Variants in CPNE4 observed in about 807,000 individuals in gnomAD.
The protein encoded by CPNE4 is copine-4.
Under a neutral mutation model 67.9 loss-of-function variants are expected in CPNE4, and 25 were observed. That is an observed-to-expected ratio of 0.37 (90% confidence interval 0.27 to 0.51). The LOEUF is 0.51. CPNE4 is among the 20% of genes least tolerant of loss of function. The pLI, the probability that CPNE4 is intolerant of heterozygous loss-of-function variation, is 0.93. For missense variants in CPNE4, 464 were observed against 690.8 expected (o/e 0.67, Z 3.68); for synonymous variants, 242 against 244.9 (o/e 0.99, Z 0.11).
intron 3 of CPNE4, among the ~76,000 whole-genome samples, chr3:131,718,267 G>T (rs2081788071): frequency 6.6e-6 from 1 of 152,074 alleles, no homozygotes; most frequent in African/African-American, 2.4e-5. Context: ...TTACAGGCGT[G>T]AGCCACTGCA....
intron 1 of CPNE4, among the ~76,000 whole-genome samples, chr3:131,954,270 T>C (rs2071867686): frequency 6.6e-6 from 1 of 152,162 alleles, no homozygotes; most frequent in South Asian, 2.1e-4. Flanking sequence ...GAATAATACA[T>C]GAAATCTTTT....
chr3:131,703,279 C>A (rs1208378835), intron 3 of CPNE4, among the ~76,000 whole-genome samples: 1 of 152,234 alleles, frequency 6.6e-6, no homozygotes, highest in African/African-American at 2.4e-5. Context: ...TTGTGCCTGA[C>A]ATCAAGGTTA....
intron 2 of CPNE4, among the ~76,000 whole-genome samples, chr3:131,756,337 CAT>C (rs909150182): frequency 8.5e-5 from 13 of 152,092 alleles, no homozygotes; most frequent in African/African-American, 2.9e-4. Flanking sequence ...CCAATTTTAC[CAT>C]ATGAATTCTA....
chr3:131,792,630 TAC>T (rs766980777), intron 2 of CPNE4, among the ~76,000 whole-genome samples: 2 of 93,364 alleles, frequency 2.1e-5, no homozygotes, highest in East Asian at 3.8e-4. Context: ...TATATATATA[TAC>T]ACACGTGTAT....
chr3:131,870,687 G>A (rs1162389080), intron 2 of CPNE4, among the ~76,000 whole-genome samples: 2 of 151,834 alleles, frequency 1.3e-5, no homozygotes, highest in Non-Finnish European at 2.9e-5. Flanking sequence ...GTTTTGTTGG[G>A]ACATATTGTT....
intron 2 of CPNE4, among the ~76,000 whole-genome samples, chr3:131,792,148 G>T (rs976251228): frequency 6.6e-6 from 1 of 152,008 alleles, no homozygotes; most frequent in Non-Finnish European, 1.5e-5. Flanking sequence ...AATGATATAG[G>T]GGTGTTGCCA....
intron 2 of CPNE4, among the ~76,000 whole-genome samples, chr3:131,869,730 G>A (rs115013912): frequency 0.037 from 5,576 of 152,072 alleles, 340 homozygotes; most frequent in African/African-American, 0.13. Context: ...TTGTATGTTC[G>A]GAGAAAAAGA....
chr3:131,631,226 C>G (rs544512371), intron 7 of CPNE4, among the ~76,000 whole-genome samples: 1 of 152,224 alleles, frequency 6.6e-6, no homozygotes, highest in Admixed American at 6.5e-5. Context: ...TTCTGAATCC[C>G]AAGAGAAGAC....
At chr3:131,554,531 A>C (rs1006622961) in intron 12 of CPNE4, among the ~76,000 whole-genome samples, 1 of 152,090 alleles carries the variant, frequency 6.6e-6, no homozygotes, top group Non-Finnish European at 1.5e-5. Flanking sequence ...TGTGGAATAC[A>C]AGGCAAGAAA....
At chr3:131,888,695 G>A (rs2199351) in intron 2 of CPNE4, among the ~76,000 whole-genome samples, 53,694 of 151,884 alleles carry the variant, frequency 0.35, 10,653 homozygotes, top group African/African-American at 0.53. Flanking sequence ...TTTCGAGTCC[G>A]TAGATTAGAG....
chr3:131,564,366 CAAGAA>C lies in CPNE4; in HGVS notation c.928-22_928-18del, dbSNP rs773321566. The C allele has an allele frequency of 1.9e-6, 3 of 1,604,844 alleles. No homozygotes were observed. In the African/African-American group the frequency reaches 4.0e-5, roughly 22 times the overall value. On this transcript the variant is annotated intron_variant, in intron 10 of 15. Coordinates refer to ENST00000429747, the MANE Select transcript of CPNE4 (RefSeq NM_130808.3). ...TATAGCTACCTAAAAGAGAAAAATA[CAAGAA>C]AAGGTAAATTTAAAGTGGATGCATC...
chr3:131,939,259 A>T (rs1443006422), intron 1 of CPNE4, among the ~76,000 whole-genome samples: 5 of 152,160 alleles, frequency 3.3e-5, no homozygotes, highest in Non-Finnish European at 5.9e-5. Flanking sequence ...AATGGAATAC[A>T]ATGCAGCTGT....
At chr3:131,765,060 G>A (rs2082977382) in intron 2 of CPNE4, among the ~76,000 whole-genome samples, 2 of 152,096 alleles carry the variant, frequency 1.3e-5, no homozygotes, top group South Asian at 4.1e-4. Flanking sequence ...CCTTCAAGGA[G>A]ACTTGGTTCA....
chr3:131,776,364 A>G (rs2083291089), intron 2 of CPNE4, among the ~76,000 whole-genome samples: 2 of 152,128 alleles, frequency 1.3e-5, no homozygotes, highest in South Asian at 2.1e-4. Context: ...CAGGATTCCA[A>G]TTTGAGTCCA....
intron 2 of CPNE4, among the ~76,000 whole-genome samples, chr3:131,865,041 C>T (rs1437839359): frequency 1.3e-5 from 2 of 152,140 alleles, no homozygotes; most frequent in African/African-American, 4.8e-5. Flanking sequence ...AGCCTTGCAT[C>T]CCAGGGATGA....
At chr3:131,545,056 G>A (rs1187776245) in intron 14 of CPNE4, among the ~76,000 whole-genome samples, 1 of 152,158 alleles carries the variant, frequency 6.6e-6, no homozygotes, top group Non-Finnish European at 1.5e-5. Flanking sequence ...AAGTATTTTA[G>A]GCTTTGTAGA....
chr3:131,981,199 G>T (rs1411495588), intron 1 of CPNE4, among the ~76,000 whole-genome samples: 1 of 152,070 alleles, frequency 6.6e-6, no homozygotes, highest in Non-Finnish European at 1.5e-5. Context: ...TTTCCAGAGA[G>T]CATCAGCTGT....
chr3:131,896,051 A>G (rs2088318012), intron 2 of CPNE4, among the ~76,000 whole-genome samples: 1 of 151,794 alleles, frequency 6.6e-6, no homozygotes, highest in Non-Finnish European at 1.5e-5. Context: ...AAAAAAAAAA[A>G]TCTCAAATAC....
chr3:131,872,568 C>T (rs2087263261), intron 2 of CPNE4, among the ~76,000 whole-genome samples: 2 of 152,194 alleles, frequency 1.3e-5, no homozygotes, highest in Non-Finnish European at 2.9e-5. Flanking sequence ...AGTCTACCAA[C>T]TTAAATGTTA....
Sources: gnomAD v4.1 joint callset for allele counts (sites outside exome capture counted in the v4.1 genomes callset) on GRCh38, gnomAD v4.1.1 for gene constraint, MANE v1.5 for transcripts, NCBI Gene and HGNC (gene_info 2026-07-23, HGNC 2026-07-21) for gene names.